Variants in CNKSR1 observed in about 807,000 individuals in gnomAD.
CNKSR1 encodes CNK homolog protein 1.
Under a neutral mutation model 95.6 loss-of-function variants are expected in CNKSR1, and 88 were observed. That is an observed-to-expected ratio of 0.92 (90% CI 0.78 to 1.10). The LOEUF is 1.10. Ranked by LOEUF, CNKSR1 falls within the 50% of genes least tolerant of loss-of-function variation. CNKSR1 has a pLI of 0.00. For missense variants in CNKSR1, 836 were observed against 912.0 expected (o/e 0.92, Z 1.07); for synonymous variants, 355 against 369.7 (o/e 0.96, Z 0.46).
rs1420478153 is a variant in CNKSR1, at chr1:26,184,106, G to A, written c.891G>A (p.Arg297=). The change falls in exon 10 of 21, where the codon AGG becomes AGA. Residue 297 remains arginine, a synonymous_variant. Coordinates refer to ENST00000361530, the MANE Select transcript of CNKSR1 (RefSeq NM_006314.3). ...PPQVLDSPHQ[R]SPSLSLAPLS... is the part of the protein sequence containing the mutation. ...AGGTCCTGGACTCCCCGCACCAGAG[G>A]AGCCCATCACTGTCTCTGGCCCCAC... 9.9e-6 allele frequency: 16 copies of A among 1,611,938 alleles called. No homozygotes were observed. The highest frequency in any genetic ancestry group is 5.0e-5 in the Admixed American group (3 of 59,784).
chr1:26,188,924 C>T lies in CNKSR1; in HGVS notation c.1843C>T (p.Arg615Cys), dbSNP rs771252222. The change falls in exon 20 of 21, where the codon CGT (arginine) becomes TGT (cysteine). Residue 615 changes from arginine (R) to cysteine (C), a missense_variant. By Grantham distance (180) the Arg-to-Cys change is radical. Transcript: ENST00000361530. ...RDPQLNERVH[R>C]VRALQSTLKA... is the part of the protein sequence containing the mutation. ...CCCTCAGCTCAATGAGCGAGTGCAC[C>T]GTGTGCGGGCGCTACAGAGCACACT... is the stretch of plus-strand genomic sequence containing the variant. 2.1e-5 allele frequency: 34 copies of T among 1,613,624 alleles called. No homozygotes were observed. The highest frequency in any genetic ancestry group is 8.9e-5 in the East Asian group (4 of 44,870).
At chr1:26,186,464 C>A (rs1252225938) in intron 14 of CNKSR1, among the ~76,000 whole-genome samples, 2 of 151,984 alleles carry the variant, frequency 1.3e-5, no homozygotes, top group Admixed American at 6.6e-5. Context: ...CCATGCCTAG[C>A]TAAGTTTTTT....
At chr1:26,181,826 C>G (rs376734456) in intron 3 of CNKSR1, 31 bp from the exon 4 acceptor site, 3 of 1,607,436 alleles carry the variant, frequency 1.9e-6, no homozygotes, top group Non-Finnish European at 2.6e-6. Context: ...AGCATAGTCC[C>G]TTAACCACTG....
Position 26,188,042 on chromosome 1 carries a change from C to T in CNKSR1, c.1455-192C>T, listed in dbSNP as rs755168698. Among the ~76,000 whole-genome samples, 197 of 152,062 alleles carry T rather than the reference C, an allele frequency of 1.3e-3. 1 individual carries two copies. The Middle Eastern group carries it at 0.02, about 16-fold the overall frequency. On this transcript the variant is annotated intron_variant, in intron 16 of 20. Coordinates refer to ENST00000361530, the MANE Select transcript of CNKSR1 (RefSeq NM_006314.3). ...TCCCAAAGTGCTGGGGTGACAGACG[C>T]GAGCCACCGCACGCAGCCAGTACTC...
intron 10 of CNKSR1, 30 bp from the exon 11 acceptor site, chr1:26,184,184 G>A (rs2088700284): frequency 6.2e-7 from 1 of 1,611,948 alleles, no homozygotes; most frequent in East Asian, 2.2e-5. Context: ...GGAGACCGTG[G>A]GCTCATCTCA....
At chr1:26,178,210 A>C (rs2088593295) in intron 1 of CNKSR1, among the ~76,000 whole-genome samples, 2 of 152,194 alleles carry the variant, frequency 1.3e-5, no homozygotes, top group Non-Finnish European at 2.9e-5. Context: ...GCCCACACCC[A>C]CTGTATCTCC....
Position 26,189,495 on chromosome 1 carries a change from T to G in CNKSR1, c.2089T>G (p.Ser697Ala). The G allele has an allele frequency of 6.2e-7, 1 of 1,609,382 alleles. No homozygotes were observed. Among genetic ancestry groups the G allele is most frequent in the South Asian group, 1.1e-5 (1 of 90,954 alleles). Residue 697 changes from serine to alanine, a missense_variant, in exon 21 of 21, where the codon TCC (serine) becomes GCC (alanine). Ser to Ala is a moderately conservative substitution (Grantham distance 99). Transcript: ENST00000361530. ...CCTGCCCTCTGACCCTGAAGAGCAC[T>G]CCCATCTCTGCCCCCTGACCTCAGA... ...HSLPSDPEEH[S>A]HLCPLTSESS...
At chr1:26,179,391 C>T (rs909059005) in intron 1 of CNKSR1, among the ~76,000 whole-genome samples, 5 of 152,150 alleles carry the variant, frequency 3.3e-5, no homozygotes, top group African/African-American at 4.8e-5. Flanking sequence ...GATAGAAGAG[C>T]AACGCCAGCA....
In CNKSR1 at chr1:26,182,315, T is replaced by C. The variant is rs369629366; in HGVS notation, c.478-46T>C. ...CCCCCAGGAGAAGGCAGTCCCCTTA[T>C]GGCCCTTGCTCAGGGGAGGCCCCTG... On this transcript the variant is annotated intron_variant, in intron 4 of 20. Transcript: ENST00000361530. 1.4e-5 allele frequency: 23 copies of C among 1,600,516 alleles called. No homozygotes were observed. The African/African-American group carries it at 3.0e-4, about 21-fold the overall frequency.
At position 26,182,665 on chromosome 1, in the gene CNKSR1, A is replaced by G. The variant is rs558323045; in HGVS notation, c.624+81A>G. The G allele has an allele frequency of 1.7e-4, 218 of 1,246,568 alleles. 1 individual carries two copies. The East Asian group carries it at 5.4e-3, about 31-fold the overall frequency. The allele number at this position is 1,246,568 out of a possible 1,614,324, so 77.2% of individuals were successfully genotyped here. A position where few individuals can be genotyped will look rare whatever the true frequency, so the allele number is the denominator to read the frequency against. On this transcript the variant is annotated intron_variant, in intron 6 of 20. Transcript: ENST00000361530. ...CCTGAAATAGGGTCCAGGATCCCACAGAACCCTGTGCTGCCATGGCTGGAA... is the reference window on the plus strand; with the variant it reads ...CCTGAAATAGGGTCCAGGATCCCACGGAACCCTGTGCTGCCATGGCTGGAA...
At position 26,183,828 on chromosome 1, in the gene CNKSR1, C is replaced by T; in HGVS notation, c.853C>T (p.Gln285Ter). The change falls in exon 9 of 21, where the codon CAG (glutamine) becomes TAG (stop). Residue 285 changes from glutamine (Q) to a stop codon, truncating the protein, a stop_gained and splice_region_variant. Coordinates refer to ENST00000361530, the MANE Select transcript of CNKSR1 (RefSeq NM_006314.3). LOFTEE classifies it high-confidence loss of function. ...GATCCCGATACCGGAGACCCCCCCA[C>T]AGGTACCTTCCCCTGCCGCCCCCCG... ...KKIPIPETPP[Q>*]TPPQVLDSPH... The T allele has an allele frequency of 7.3e-7, 1 of 1,377,964 alleles. No homozygotes were observed. The highest frequency in any genetic ancestry group is 9.8e-7 in the Non-Finnish European group (1 of 1,024,110). The allele number at this position is 1,377,964 out of a possible 1,614,324, so 85.4% of individuals were successfully genotyped here. A position where few individuals can be genotyped will look rare whatever the true frequency, so the allele number is the denominator to read the frequency against.
intron 1 of CNKSR1, among the ~76,000 whole-genome samples, chr1:26,179,062 A>G (rs1017369560): frequency 2.0e-5 from 3 of 152,264 alleles, no homozygotes; most frequent in Admixed American, 6.5e-5. Flanking sequence ...CCTCCTAGAA[A>G]TGCAGTGAGA....
intron 3 of CNKSR1, among the ~76,000 whole-genome samples, chr1:26,181,280 CAAAAAAAAAAAAA>C (rs11392737): frequency 2.0e-5 from 1 of 49,158 alleles, no homozygotes; most frequent in African/African-American, 7.7e-5. Context: ...GACTCCCTCT[CAAAAAAAAAAAAA>C]AAAAAAAAAA....
chr1:26,182,785 G>A (rs1053321894), intron 6 of CNKSR1, among the ~76,000 whole-genome samples: 1 of 152,218 alleles, frequency 6.6e-6, no homozygotes, highest in South Asian at 2.1e-4. Flanking sequence ...GGCCACGCGG[G>A]TGTGGCCTCA....
intron 14 of CNKSR1, 24 bp from the exon 15 acceptor site, chr1:26,187,144 A>G: frequency 6.2e-7 from 1 of 1,602,166 alleles, no homozygotes; most frequent in Non-Finnish European, 8.5e-7. Context: ...TTCCAACCTG[A>G]CCCTCATGCT....
Position 26,188,286 on chromosome 1 carries a change from G to GC in CNKSR1, c.1514dup (p.Pro506ThrfsTer9), listed in dbSNP as rs753922055. On this transcript the variant is annotated frameshift_variant, in exon 17 of 21. Transcript: ENST00000361530. LOFTEE classifies it high-confidence loss of function. ...CTCCAAGTACCAGTCTCCAGGCCGG[G>GC]CCCCCCCACCCCGAGAGGAAGGTAG... is the stretch of plus-strand genomic sequence containing the variant. 17 of 1,613,888 alleles carry GC rather than the reference G, an allele frequency of 1.1e-5. No homozygotes were observed. The highest frequency in any genetic ancestry group is 1.3e-5 in the Non-Finnish European group (15 of 1,179,954).
chr1:26,184,288 G>C lies in CNKSR1; in HGVS notation c.1000+1G>C, dbSNP rs2088704488. The C allele has an allele frequency of 1.2e-6, 2 of 1,613,620 alleles. No homozygotes were observed. Among genetic ancestry groups the C allele is most frequent in the Non-Finnish European group, 1.7e-6 (2 of 1,179,846 alleles). On this transcript the variant is annotated splice_donor_variant, in intron 11 of 20. Transcript: ENST00000361530. LOFTEE classifies it high-confidence loss of function. The stretch of plus-strand genomic sequence containing the variant: ...CCCGGACCCAGCCCTGCCTGGACAG[G>C]TAGTCTCAAAGCTCCATGGATGCCC...
At chr1:26,181,124 A>T in intron 3 of CNKSR1, 1 of 514,160 alleles carries the variant, frequency 1.9e-6, no homozygotes, top group South Asian at 1.9e-5. Flanking sequence ...TACCAAAAAT[A>T]TACAAAATTA....
intron 3 of CNKSR1, 107 bp downstream of exon 3, chr1:26,181,003 G>A: frequency 7.2e-7 from 1 of 1,398,560 alleles, no homozygotes; most frequent in Non-Finnish European, 1.0e-6. Context: ...TGGTGAGCCA[G>A]GCGTGGTGGC....
Sources: allele counts gnomAD v4.1 joint callset (sites outside exome capture counted in the v4.1 genomes callset), GRCh38; gene constraint gnomAD v4.1.1; transcripts MANE v1.5; gene names NCBI Gene and HGNC (gene_info 2026-07-23, HGNC 2026-07-21).